The following GOT1 variants were observed in gnomAD, a reference collection of about 807,000 sequenced individuals.
GOT1 encodes the protein glutamic-oxaloacetic transaminase 1.
Under a neutral mutation model 48.2 loss-of-function variants are expected in GOT1, and 25 were observed. That is an observed-to-expected ratio of 0.52 (90% CI 0.38 to 0.72). The LOEUF (loss-of-function observed/expected upper bound fraction) is 0.72, where lower values mean the gene tolerates loss of function less well. Among genes scored for constraint, GOT1 ranks in the 30% least tolerant of loss-of-function variants. The pLI, the probability that GOT1 is intolerant of heterozygous loss-of-function variation, is 0.00. For synonymous variants in GOT1, 188 were observed against 193.8 expected (o/e 0.97, Z 0.25); for missense variants, 380 against 520.1 (o/e 0.73, Z 2.62).
At chr10:99,412,331 T>A (rs1038899139) in intron 2 of GOT1, among the ~76,000 whole-genome samples, 2 of 141,812 alleles carry the variant, frequency 1.4e-5, no homozygotes, top group Non-Finnish European at 3.1e-5. Context: ...GGGGGAGCTA[T>A]GGGCGGTGGG....
chr10:99,417,839 G>A (rs1426740150), intron 2 of GOT1, among the ~76,000 whole-genome samples: 1 of 152,050 alleles, frequency 6.6e-6, no homozygotes, highest in Non-Finnish European at 1.5e-5. Context: ...ACTCATAGGT[G>A]GGAATTGAAC....
At chr10:99,398,820 G>A (rs1169717963) in intron 8 of GOT1, among the ~76,000 whole-genome samples, 1 of 152,176 alleles carries the variant, frequency 6.6e-6, no homozygotes, top group African/African-American at 2.4e-5. Context: ...CTGCATCTTA[G>A]TTCATCCTGA....
intron 1 of GOT1, among the ~76,000 whole-genome samples, chr10:99,426,809 ACTGT>A (rs1564975713): frequency 6.6e-6 from 1 of 152,256 alleles, no homozygotes; most frequent in Non-Finnish European, 1.5e-5. Context: ...GCAAGTAGGA[ACTGT>A]CTGAGATTAC....
At chr10:99,426,357 C>T (rs938306269) in intron 1 of GOT1, among the ~76,000 whole-genome samples, 1 of 152,170 alleles carries the variant, frequency 6.6e-6, no homozygotes, top group East Asian at 1.9e-4. Flanking sequence ...AACCATCACC[C>T]TCATCTTCCT....
At chr10:99,401,304 A>C (rs537720625) in intron 8 of GOT1, among the ~76,000 whole-genome samples, 109 of 152,294 alleles carry the variant, frequency 7.2e-4, no homozygotes, top group Non-Finnish European at 1.1e-3. Context: ...ATTTTACCCC[A>C]AAGTATTTTG....
chr10:99,419,696 CA>C (rs2032942942), intron 2 of GOT1, among the ~76,000 whole-genome samples: 2 of 152,118 alleles, frequency 1.3e-5, no homozygotes, highest in Admixed American at 1.3e-4. Context: ...CCTGGCCTGG[CA>C]TGGGGTCCAC....
At chr10:99,401,876 C>T (rs941675053) in intron 8 of GOT1, among the ~76,000 whole-genome samples, 17 of 151,636 alleles carry the variant, frequency 1.1e-4, no homozygotes, top group African/African-American at 3.9e-4. Flanking sequence ...GGTGCGGTCT[C>T]GACTCACTGC....
chr10:99,403,793 G>C lies in GOT1; in HGVS notation c.724C>G (p.Arg242Gly). Residue 242 changes from arginine (R) to glycine (G), a missense_variant, in exon 6 of 9, where the codon CGC becomes GGC. Physicochemically the swap from Arg to Gly is moderately radical, Grantham distance 125. Coordinates refer to ENST00000370508, the MANE Select transcript of GOT1 (RefSeq NM_002079.3). ...TCGAAGCCTTCAGACACAAAATAGC[G>C]AATGGCCCAGGCATCTCTCTCCAGG... ...GNLERDAWAIRYFVSEGFEFF... is the reference protein window; with the variant it reads ...GNLERDAWAIGYFVSEGFEFF... 1.9e-6 allele frequency: 3 copies of C among 1,614,054 alleles called. No individual in the cohort carries two copies. Among genetic ancestry groups the C allele is most frequent in the Non-Finnish European group, 1.7e-6 (2 of 1,179,942 alleles).
intron 2 of GOT1, among the ~76,000 whole-genome samples, chr10:99,411,267 C>T (rs2032824973): frequency 6.6e-6 from 1 of 152,218 alleles, no homozygotes. Context: ...GCTCAGTAAT[C>T]TCAAAGCTGA....
At chr10:99,410,264 A>G (rs564989482) in intron 2 of GOT1, among the ~76,000 whole-genome samples, 2 of 152,322 alleles carry the variant, frequency 1.3e-5, no homozygotes, top group East Asian at 3.9e-4. Context: ...GTTGAATGTC[A>G]GTTTCATACA....
At position 99,397,759 on chromosome 10, in the gene GOT1, TG is replaced by T; in HGVS notation, c.1103-74del. 1 of 1,394,804 alleles carries T rather than the reference TG, an allele frequency of 7.2e-7. No individual in the cohort carries two copies. The highest frequency in any genetic ancestry group is 1.0e-6 in the Non-Finnish European group (1 of 986,574). The allele number at this position is 1,394,804 out of a possible 1,614,324, so 86.4% of individuals were successfully genotyped here. A position where few individuals can be genotyped will look rare whatever the true frequency, so the allele number is the denominator to read the frequency against. On this transcript the variant is annotated intron_variant, in intron 8 of 8. Transcript: ENST00000370508. This position sits in a 1 kb window ranked among gnomAD's most constrained non-coding sequence, Gnocchi z 5.4. Reference sequence around the variant, plus strand: ...AAGCAGTGGAGGCTCAGCAATTATATGACAATTACAGCTTTACTTCTTTCCC... The same window carrying T: ...AAGCAGTGGAGGCTCAGCAATTATATACAATTACAGCTTTACTTCTTTCCC...
chr10:99,416,604 T>A (rs1327743167), intron 2 of GOT1, among the ~76,000 whole-genome samples: 1 of 152,182 alleles, frequency 6.6e-6, no homozygotes, highest in Admixed American at 6.5e-5. Context: ...TTAAAGTTCA[T>A]ATGGAACCAA....
chr10:99,403,225 T>A (rs371539453), intron 7 of GOT1, among the ~76,000 whole-genome samples: 19 of 150,782 alleles, frequency 1.3e-4, no homozygotes, highest in African/African-American at 4.6e-4. Context: ...GAAGACTGGG[T>A]GGGGGGGGAA....
chr10:99,413,234 G>A (rs765654705), intron 2 of GOT1, among the ~76,000 whole-genome samples: 1 of 152,176 alleles, frequency 6.6e-6, no homozygotes, highest in Non-Finnish European at 1.5e-5. Context: ...CCAATGCAGA[G>A]AAGTACTTAA....
intron 2 of GOT1, among the ~76,000 whole-genome samples, chr10:99,419,351 C>CA (rs1262946299): frequency 6.6e-6 from 1 of 152,176 alleles, no homozygotes; most frequent in East Asian, 1.9e-4. Flanking sequence ...CTTCAAACAA[C>CA]ACTTTTATTG....
chr10:99,404,100 G>T (rs753498754), intron 5 of GOT1, among the ~76,000 whole-genome samples: 3 of 152,154 alleles, frequency 2.0e-5, no homozygotes, highest in Admixed American at 6.5e-5. Context: ...TTGTCCTAGA[G>T]TGTCCCAATT....
chr10:99,415,579 C>A (rs1280188723), intron 2 of GOT1, among the ~76,000 whole-genome samples: 2 of 152,074 alleles, frequency 1.3e-5, no homozygotes, highest in African/African-American at 4.8e-5. Context: ...GAAATCCTCC[C>A]TAACTCATTT....
chr10:99,403,429 A>C, intron 7 of GOT1, 40 bp downstream of exon 7: 3 of 1,539,942 alleles, frequency 1.9e-6, no homozygotes, highest in Non-Finnish European at 8.9e-7. Context: ...ACTGTTCTGC[A>C]CTCCCCACCC....
intron 1 of GOT1, 163 bp downstream of exon 1, chr10:99,430,285 T>C (rs1381128145): frequency 1.9e-6 from 3 of 1,564,088 alleles, no homozygotes; most frequent in South Asian, 2.3e-5. Flanking sequence ...ATCTGTAAAA[T>C]GGGCAGGTTT....
Sources: allele counts gnomAD v4.1 joint callset (sites outside exome capture counted in the v4.1 genomes callset), GRCh38; gene constraint gnomAD v4.1.1; non-coding constraint Gnocchi (gnomAD v3.1); transcripts MANE v1.5; gene names NCBI Gene and HGNC (gene_info 2026-07-23, HGNC 2026-07-21).